DLGAP2: variants seen among roughly 807,000 people sequenced by gnomAD.
The protein encoded by DLGAP2 is disks large-associated protein 2.
DLGAP2 carries 26 observed loss-of-function variants against 100.3 expected under a neutral mutation model. The ratio of observed to expected loss-of-function variants is 0.26; its 90% CI spans 0.19 to 0.36. DLGAP2 has a LOEUF of 0.36. Ranked by LOEUF, DLGAP2 falls within the 10% of genes least tolerant of loss-of-function variation. DLGAP2 has a pLI of 1.00. For missense variants in DLGAP2, 1,858 were observed against 1,453.2 expected (o/e 1.28, Z -4.53); for synonymous variants, 886 against 630.1 (o/e 1.41, Z -6.08).
At chr8:1,332,230 G>A (rs1305105351) in intron 3 of DLGAP2, among the ~76,000 whole-genome samples, 1 of 152,158 alleles carries the variant, frequency 6.6e-6, no homozygotes, top group Non-Finnish European at 1.5e-5. Context: ...GTGTGAGTGT[G>A]CCTGCATATG....
intron 3 of DLGAP2, among the ~76,000 whole-genome samples, chr8:1,294,595 A>G (rs1732173137): frequency 1.3e-5 from 2 of 152,180 alleles, no homozygotes; most frequent in African/African-American, 4.8e-5. Context: ...GTCAATGTCG[A>G]ATTGGAATTT....
intron 2 of DLGAP2, among the ~76,000 whole-genome samples, chr8:1,167,324 G>A (rs551955319): frequency 3.4e-4 from 52 of 152,206 alleles, no homozygotes; most frequent in African/African-American, 5.1e-4. Flanking sequence ...TGGCTTTCTC[G>A]AGTCCAGTAC....
intron 2 of DLGAP2, among the ~76,000 whole-genome samples, chr8:921,652 T>C (rs1327730811): frequency 6.6e-6 from 1 of 152,248 alleles, no homozygotes; most frequent in Non-Finnish European, 1.5e-5. Context: ...GCGCAGCTGT[T>C]ACAGATGCTG....
chr8:897,580 G>C (rs1232027311), intron 1 of DLGAP2, among the ~76,000 whole-genome samples: 2 of 152,158 alleles, frequency 1.3e-5, no homozygotes, highest in Admixed American at 6.5e-5. Context: ...AGTCACGGGG[G>C]TGTGTGCGAG....
chr8:1,681,602 G>A (rs1274173506), intron 12 of DLGAP2, among the ~76,000 whole-genome samples: 2 of 142,500 alleles, frequency 1.4e-5, no homozygotes, highest in Non-Finnish European at 3.1e-5. Flanking sequence ...AGGCTGCAGT[G>A]AGCCGAGATC....
At chr8:1,210,947 A>G (rs943268608) in intron 2 of DLGAP2, among the ~76,000 whole-genome samples, 4 of 152,044 alleles carry the variant, frequency 2.6e-5, no homozygotes, top group Non-Finnish European at 5.9e-5. Context: ...GCCATTTTCC[A>G]TTAGGTTCAA....
chr8:927,519 G>A (rs1048926349), intron 2 of DLGAP2, among the ~76,000 whole-genome samples: 8 of 152,282 alleles, frequency 5.3e-5, no homozygotes, highest in African/African-American at 9.6e-5. Flanking sequence ...AGTCCTCCGC[G>A]TGTGTCCCTC....
At chr8:1,025,106 ATG>A (rs1414424497) in intron 2 of DLGAP2, among the ~76,000 whole-genome samples, 1 of 149,570 alleles carries the variant, frequency 6.7e-6, no homozygotes, top group Non-Finnish European at 1.5e-5. Flanking sequence ...GTGTGCGTGT[ATG>A]TGTGTGCGTG....
At chr8:1,474,173 G>T (rs1053453170) in intron 3 of DLGAP2, among the ~76,000 whole-genome samples, 1 of 152,076 alleles carries the variant, frequency 6.6e-6, no homozygotes, top group Non-Finnish European at 1.5e-5. Flanking sequence ...TAGAATAATG[G>T]TCTCCAACTC....
At chr8:1,482,545 T>C (rs1799125663) in intron 3 of DLGAP2, among the ~76,000 whole-genome samples, 3 of 152,380 alleles carry the variant, frequency 2.0e-5, no homozygotes, top group African/African-American at 7.2e-5. Context: ...GACCTTGTAG[T>C]TAACAAAAAA....
chr8:827,957 G>T (rs1004563449), intron 1 of DLGAP2, among the ~76,000 whole-genome samples: 1 of 152,148 alleles, frequency 6.6e-6, no homozygotes, highest in African/African-American at 2.4e-5. Context: ...GGTAGGATCC[G>T]TGATGCCCCA....
chr8:984,032 C>T lies in DLGAP2; in HGVS notation c.73+76066C>T, dbSNP rs183990061. ...AGCACACAGAAGTCAGAGAAATGGTCCTTGGGTGTGCGGGCGGTCACTCCT... is the reference window on the plus strand; with the variant it reads ...AGCACACAGAAGTCAGAGAAATGGTTCTTGGGTGTGCGGGCGGTCACTCCT... On this transcript the variant is annotated intron_variant, in intron 2 of 14. Transcript: ENST00000637795. Among the ~76,000 whole-genome samples the T allele has an allele frequency of 5.2e-3, 789 of 152,214 alleles. 8 individuals are homozygous for T. Among genetic ancestry groups the T allele is most frequent in the African/African-American group, 0.018 (729 of 41,526 alleles).
intron 3 of DLGAP2, among the ~76,000 whole-genome samples, chr8:1,432,659 A>G (rs1352263513): frequency 6.6e-6 from 1 of 152,258 alleles, no homozygotes; most frequent in African/African-American, 2.4e-5. Context: ...TATTGAAGGC[A>G]CTGGCCCTGA....
At chr8:1,079,271 G>GT (rs1192190653) in intron 2 of DLGAP2, among the ~76,000 whole-genome samples, 1 of 152,136 alleles carries the variant, frequency 6.6e-6, no homozygotes, top group Non-Finnish European at 1.5e-5. Flanking sequence ...GGTTTTAAGA[G>GT]TTATTCATAT....
In DLGAP2 at chr8:876,792, A is replaced by G. The variant is rs183582584; in HGVS notation, c.19-31120A>G. On this transcript the variant is annotated intron_variant, in intron 1 of 14. Transcript: ENST00000637795. ...TGTGTTTGTGTGCTCTAGGTGCCCT[A>G]TGCTTCTGAGCTCCTTCAGTTGTCT... Among the ~76,000 whole-genome samples, 56 of 152,182 alleles carry G rather than the reference A, an allele frequency of 3.7e-4. 1 individual carries two copies. Among genetic ancestry groups the G allele is most frequent in the Admixed American group, 2.9e-3 (45 of 15,276 alleles).
intron 3 of DLGAP2, among the ~76,000 whole-genome samples, chr8:1,348,557 C>G (rs1048284884): frequency 6.6e-6 from 1 of 150,708 alleles, no homozygotes; most frequent in African/African-American, 2.4e-5. Context: ...GCATTGCACT[C>G]GTGGTAGCTA....
chr8:1,349,326 C>G (rs1801647991), intron 3 of DLGAP2, among the ~76,000 whole-genome samples: 1 of 150,740 alleles, frequency 6.6e-6, no homozygotes, highest in East Asian at 2.0e-4. Context: ...CATCCACACA[C>G]AGGTAGGAAG....
intron 3 of DLGAP2, among the ~76,000 whole-genome samples, chr8:1,358,419 G>T (rs1801904300): frequency 6.6e-6 from 1 of 152,094 alleles, no homozygotes; most frequent in Non-Finnish European, 1.5e-5. Context: ...GTATTGATCG[G>T]GGTTTTGGTT....
chr8:1,580,014 A>C (rs1208578274), intron 6 of DLGAP2, among the ~76,000 whole-genome samples: 2 of 152,200 alleles, frequency 1.3e-5, no homozygotes, highest in Non-Finnish European at 2.9e-5. Context: ...AGCCTGATGG[A>C]ATAAGAGCCC....
Sources: gnomAD v4.1 joint callset for allele counts (sites outside exome capture counted in the v4.1 genomes callset) on GRCh38, gnomAD v4.1.1 for gene constraint, MANE v1.5 for transcripts, NCBI Gene and HGNC (gene_info 2026-07-23, HGNC 2026-07-21) for gene names.